LMX1B: variants seen among roughly 807,000 people sequenced by gnomAD.
The protein encoded by LMX1B is LIM homeobox transcription factor 1 beta.
LMX1B carries 12 observed loss-of-function variants against 51.4 expected under a neutral mutation model. That is an observed-to-expected ratio of 0.23 (90% CI 0.15 to 0.38). The LOEUF is 0.38. Ranked by LOEUF, LMX1B falls within the 10% of genes least tolerant of loss-of-function variation. The pLI, the probability that LMX1B is intolerant of heterozygous loss-of-function variation, is 1.00. For missense variants in LMX1B, 445 were observed against 571.1 expected, an observed-to-expected ratio of 0.78 and a Z score of 2.25; for synonymous variants, 237 against 235.4, an observed-to-expected ratio of 1.01 and a Z score of -0.06.
At chr9:126,624,887 G>A (rs540703613) in intron 2 of LMX1B, among the ~76,000 whole-genome samples, 1 of 152,122 alleles carries the variant, frequency 6.6e-6, no homozygotes, top group African/African-American at 2.4e-5. Context: ...AGCAGGCTCC[G>A]GGGAGGGAGG....
At chr9:126,648,771 A>G (rs1835949437) in intron 2 of LMX1B, among the ~76,000 whole-genome samples, 2 of 152,146 alleles carry the variant, frequency 1.3e-5, no homozygotes, top group Admixed American at 1.3e-4. Flanking sequence ...AAGGCTGCCT[A>G]GGACCATAGA....
At chr9:126,623,906 C>G (rs1835468354) in intron 2 of LMX1B, among the ~76,000 whole-genome samples, 1 of 152,218 alleles carries the variant, frequency 6.6e-6, no homozygotes, top group Non-Finnish European at 1.5e-5. Context: ...CGCACCCCTC[C>G]AGGCCCACCT....
chr9:126,633,233 G>A (rs1180895825), intron 2 of LMX1B, among the ~76,000 whole-genome samples: 3 of 152,324 alleles, frequency 2.0e-5, no homozygotes, highest in East Asian at 1.9e-4. Flanking sequence ...ATCTGTGAGG[G>A]AACTCGAACT....
intron 2 of LMX1B, among the ~76,000 whole-genome samples, chr9:126,639,512 A>T (rs914385842): frequency 1.3e-5 from 2 of 152,212 alleles, no homozygotes; most frequent in African/African-American, 4.8e-5. Context: ...CTCCCTGGAA[A>T]TTATCCTGTA....
intron 2 of LMX1B, among the ~76,000 whole-genome samples, chr9:126,687,686 G>A (rs1488665880): frequency 2.0e-5 from 3 of 152,242 alleles, no homozygotes; most frequent in Non-Finnish European, 2.9e-5. Flanking sequence ...TGCAGGCAGT[G>A]TTGTCCAGCC....
intron 2 of LMX1B, among the ~76,000 whole-genome samples, chr9:126,679,094 T>C (rs1836624957): frequency 6.6e-6 from 1 of 152,220 alleles, no homozygotes; most frequent in African/African-American, 2.4e-5. Flanking sequence ...TCTCCCATTC[T>C]ACCAGGAGCC....
chr9:126,615,599 A>G lies in LMX1B; in HGVS notation c.326+30A>G. ...GCGCTTCTCGTCCTCCTTCCCCGCC[A>G]CCGCCCGGCACTCGAGCCCGGTCAG... On this transcript the variant is annotated intron_variant, in intron 2 of 7. Coordinates refer to ENST00000373474, the MANE Select transcript of LMX1B (RefSeq NM_001174147.2). This position sits in a 1 kb window ranked among gnomAD's most constrained non-coding sequence, Gnocchi z 6.0. The G allele has an allele frequency of 6.4e-7, 1 of 1,573,038 alleles. No homozygotes were observed.
chr9:126,647,468 C>T (rs1835924094), intron 2 of LMX1B, among the ~76,000 whole-genome samples: 2 of 152,212 alleles, frequency 1.3e-5, no homozygotes, highest in South Asian at 4.1e-4. Flanking sequence ...ACCTTGGCGC[C>T]TTCAGCTCCT....
intron 2 of LMX1B, among the ~76,000 whole-genome samples, chr9:126,653,016 C>T (rs1008353554): frequency 1.3e-5 from 2 of 152,090 alleles, no homozygotes; most frequent in African/African-American, 2.4e-5. Flanking sequence ...CCAGGGTTGC[C>T]TGAAGATAGG....
intron 2 of LMX1B, among the ~76,000 whole-genome samples, chr9:126,657,540 G>A (rs538483701): frequency 6.6e-6 from 1 of 152,318 alleles, no homozygotes; most frequent in East Asian, 1.9e-4. Context: ...GTTGGGGGGA[G>A]AAGATCCACA....
At chr9:126,660,485 A>G (rs1836223622) in intron 2 of LMX1B, among the ~76,000 whole-genome samples, 2 of 152,290 alleles carry the variant, frequency 1.3e-5, no homozygotes, top group East Asian at 3.9e-4. Context: ...GCCTGGGGTC[A>G]AACCCCAGCT....
Position 126,658,135 on chromosome 9 carries a change from G to C in LMX1B, c.327-32701G>C, listed in dbSNP as rs1003887347. On this transcript the variant is annotated intron_variant, in intron 2 of 7. Transcript: ENST00000373474. This position sits in a 1 kb window ranked among gnomAD's most constrained non-coding sequence, Gnocchi z 4.0. ...GACTCCTGGGTATGAAGGGCAGAGA[G>C]GGAATCCCCAGCCAAGTGCAGAGGT... 2.0e-5 allele frequency among the ~76,000 whole-genome samples: 3 copies of C among 152,084 alleles called. No homozygotes were observed. Among genetic ancestry groups the C allele is most frequent in the African/African-American group, 7.2e-5 (3 of 41,394 alleles).
intron 2 of LMX1B, among the ~76,000 whole-genome samples, chr9:126,635,064 A>T (rs1835692367): frequency 6.6e-6 from 1 of 152,176 alleles, no homozygotes; most frequent in Admixed American, 6.5e-5. Flanking sequence ...CGCCATATGA[A>T]GCCTGCTGAT....
At chr9:126,616,667 C>G (rs1835308459) in intron 2 of LMX1B, among the ~76,000 whole-genome samples, 1 of 152,192 alleles carries the variant, frequency 6.6e-6, no homozygotes, top group Non-Finnish European at 1.5e-5. Flanking sequence ...GCCCAAGCCT[C>G]CAGGGAAGGA....
intron 3 of LMX1B, 96 bp downstream of exon 3, chr9:126,691,164 C>T: frequency 3.4e-6 from 3 of 870,074 alleles, no homozygotes; most frequent in Non-Finnish European, 5.5e-6. Flanking sequence ...CCTCCTGCTT[C>T]CAGGACCTGA....
intron 2 of LMX1B, among the ~76,000 whole-genome samples, chr9:126,648,321 C>G (rs1047290778): frequency 6.6e-6 from 1 of 152,184 alleles, no homozygotes; most frequent in African/African-American, 2.4e-5. Flanking sequence ...GCTCCCTAGC[C>G]TCCCTCGAAG....
chr9:126,630,881 C>T (rs1347716506), intron 2 of LMX1B, among the ~76,000 whole-genome samples: 9 of 152,272 alleles, frequency 5.9e-5, no homozygotes, highest in Non-Finnish European at 1.3e-4. Flanking sequence ...CCTGCAGTGC[C>T]TTCCTGGCTC....
chr9:126,692,987 AG>A (rs2030187360), intron 3 of LMX1B, among the ~76,000 whole-genome samples, 154 bp from the exon 4 acceptor site: 1 of 152,118 alleles, frequency 6.6e-6, no homozygotes, highest in African/African-American at 2.4e-5. Flanking sequence ...GGGCCACGGG[AG>A]GGAAGGAGAT....
chr9:126,655,606 C>T lies in LMX1B; in HGVS notation c.327-35230C>T, dbSNP rs191909923. ...CTTAGACCCAGAGCAATGCCTGGCA[C>T]GTAGTAGGGGCTAAAAAAAGTGCTT... On this transcript the variant is annotated intron_variant, in intron 2 of 7. Coordinates refer to ENST00000373474, the MANE Select transcript of LMX1B (RefSeq NM_001174147.2). Among the ~76,000 whole-genome samples the T allele has an allele frequency of 2.9e-4, 44 of 152,170 alleles. 1 individual carries two copies. The highest frequency in any genetic ancestry group is 9.2e-4 in the Admixed American group (14 of 15,288).
Sources: gnomAD v4.1 joint callset for allele counts (sites outside exome capture counted in the v4.1 genomes callset) on GRCh38, gnomAD v4.1.1 for gene constraint, Gnocchi (gnomAD v3.1) non-coding constraint, MANE v1.5 for transcripts, NCBI Gene and HGNC (gene_info 2026-07-23, HGNC 2026-07-21) for gene names.